The following STRN variants were observed in gnomAD, a reference collection of about 807,000 sequenced individuals.
STRN encodes the protein striatin, also known as protein phosphatase 2 regulatory subunit B'''alpha.
A neutral mutation model predicts 96.3 loss-of-function variants in STRN; 53 were observed. The observed-to-expected ratio is 0.55, with a 90% confidence interval of 0.44 to 0.69. The LOEUF (loss-of-function observed/expected upper bound fraction) is 0.69. STRN is among the 30% of genes least tolerant of loss of function. The probability of loss-of-function intolerance (pLI) is 0.00; values close to 1 mark genes in which losing one functional copy is unlikely to be tolerated. For synonymous variants in STRN, 428 were observed against 355.9 expected (o/e 1.20, Z -2.28); for missense variants, 987 against 963.9 (o/e 1.02, Z -0.32).
chr2:36,885,532 T>C (rs903154061), intron 8 of STRN, among the ~76,000 whole-genome samples: 2 of 152,282 alleles, frequency 1.3e-5, no homozygotes, highest in South Asian at 4.1e-4. Context: ...ATCTTTCTCA[T>C]TCTGATTTAA....
At chr2:36,930,956 C>G (rs1670558061) in intron 1 of STRN, among the ~76,000 whole-genome samples, 1 of 151,854 alleles carries the variant, frequency 6.6e-6, no homozygotes, top group Non-Finnish European at 1.5e-5. Context: ...CTGCTTGAAC[C>G]TGAGAGGTAG....
intron 1 of STRN, among the ~76,000 whole-genome samples, chr2:36,947,855 T>C (rs1664628949): frequency 6.6e-6 from 1 of 151,730 alleles, no homozygotes; most frequent in South Asian, 2.1e-4. Context: ...AGACAGTAAG[T>C]ATTTTTTTCA....
At chr2:36,885,101 G>T (rs1418148410) in intron 8 of STRN, among the ~76,000 whole-genome samples, 1 of 151,910 alleles carries the variant, frequency 6.6e-6, no homozygotes, top group South Asian at 2.1e-4. Flanking sequence ...TTAATCCCCC[G>T]ATTTAAGAAA....
At chr2:36,958,751 C>A (rs1245730779) in intron 1 of STRN, among the ~76,000 whole-genome samples, 4 of 152,174 alleles carry the variant, frequency 2.6e-5, no homozygotes, top group Admixed American at 2.6e-4. Context: ...AACAAGATAG[C>A]AACTGAGAAA....
At chr2:36,883,592 A>G (rs946632213) in intron 9 of STRN, among the ~76,000 whole-genome samples, 2 of 152,242 alleles carry the variant, frequency 1.3e-5, no homozygotes, top group African/African-American at 2.4e-5. Flanking sequence ...TTAAATATTT[A>G]TATGAGTTTC....
rs1668021935 is a variant in STRN at position 36,844,666 on chromosome 2, A to G, written c.*4790T>C. The G allele has an allele frequency of 6.6e-6, 1 of 152,058 alleles. No homozygotes were observed. Among genetic ancestry groups the G allele is most frequent in the East Asian group, 1.9e-4 (1 of 5,194 alleles). 9.4% of individuals were successfully genotyped at this position (152,058 alleles called of 1,614,324 possible). ...GGGATCTAGGGATCTGTTTGGCCTA[A>G]CATTTGTTTTTTTTAGAATTAAAAA... On this transcript the variant is annotated 3_prime_UTR_variant, in exon 18 of 18. Transcript: ENST00000263918.
intron 1 of STRN, among the ~76,000 whole-genome samples, chr2:36,953,678 A>C (rs1416275218): frequency 1.3e-5 from 2 of 152,214 alleles, no homozygotes; most frequent in African/African-American, 2.4e-5. Flanking sequence ...CTGGGATTAC[A>C]GGCGTGAGCC....
intron 10 of STRN, among the ~76,000 whole-genome samples, chr2:36,872,475 T>C (rs988245642): frequency 1.2e-4 from 19 of 152,196 alleles, no homozygotes; most frequent in African/African-American, 4.3e-4. Flanking sequence ...TAAGACAGAA[T>C]CACCCGGCTA....
intron 6 of STRN, among the ~76,000 whole-genome samples, chr2:36,897,264 G>GT (rs548341778): frequency 6.6e-6 from 1 of 152,042 alleles, no homozygotes; most frequent in East Asian, 1.9e-4. Flanking sequence ...ATAGAATGCA[G>GT]TAAGTTATGC....
chr2:36,895,945 G>A (rs796149937), intron 6 of STRN, among the ~76,000 whole-genome samples: 1 of 151,730 alleles, frequency 6.6e-6, no homozygotes, highest in South Asian at 2.1e-4. Flanking sequence ...AAAAAAACAG[G>A]TGTATCTGAA....
chr2:36,862,776 C>G (rs1668524185), intron 12 of STRN, among the ~76,000 whole-genome samples: 1 of 151,618 alleles, frequency 6.6e-6, no homozygotes, highest in Non-Finnish European at 1.5e-5. Flanking sequence ...GCTCTGTCAC[C>G]CAGGCTGGAG....
intron 1 of STRN, among the ~76,000 whole-genome samples, chr2:36,960,544 T>G (rs1665004378): frequency 6.6e-6 from 1 of 152,194 alleles, no homozygotes; most frequent in South Asian, 2.1e-4. Context: ...AGCACTTACT[T>G]TATCTTATGT....
intron 9 of STRN, among the ~76,000 whole-genome samples, chr2:36,881,985 A>C (rs1360871696): frequency 1.3e-5 from 2 of 152,220 alleles, no homozygotes; most frequent in African/African-American, 4.8e-5. Flanking sequence ...TCTGTAATTC[A>C]AAAGACATCA....
intron 12 of STRN, among the ~76,000 whole-genome samples, chr2:36,864,394 C>A (rs1668569098): frequency 6.6e-6 from 1 of 152,184 alleles, no homozygotes; most frequent in Non-Finnish European, 1.5e-5. Context: ...AAAGCCTTTT[C>A]TGCATCTGTT....
At chr2:36,917,901 TG>T (rs1179460693) in intron 2 of STRN, among the ~76,000 whole-genome samples, 1 of 152,176 alleles carries the variant, frequency 6.6e-6, no homozygotes, top group Non-Finnish European at 1.5e-5. Context: ...ATACTATGTA[TG>T]TCTCCATACA....
chr2:36,963,549 G>A (rs1158053140), intron 1 of STRN, among the ~76,000 whole-genome samples: 3 of 152,032 alleles, frequency 2.0e-5, no homozygotes, highest in Non-Finnish European at 4.4e-5. Context: ...AGAGATTACT[G>A]CAAACTCTTC....
At chr2:36,943,304 T>A (rs1670892051) in intron 1 of STRN, among the ~76,000 whole-genome samples, 1 of 151,902 alleles carries the variant, frequency 6.6e-6, no homozygotes, top group African/African-American at 2.4e-5. Flanking sequence ...CTTCTCAACT[T>A]TCTTGTATGA....
At chr2:36,905,469 A>C (rs1669796590) in intron 4 of STRN, 71 bp downstream of exon 4, 14 of 1,334,596 alleles carry the variant, frequency 1.0e-5, no homozygotes, top group Non-Finnish European at 1.5e-5. Context: ...TTGAAAATAC[A>C]CAGTAAAAAT....
chr2:36,855,804 T>C (rs1376373423), intron 14 of STRN, among the ~76,000 whole-genome samples: 2 of 152,204 alleles, frequency 1.3e-5, no homozygotes, highest in East Asian at 3.9e-4. Context: ...GTCATGCAAA[T>C]ACCATATGAA....
Sources: allele counts gnomAD v4.1 joint callset (sites outside exome capture counted in the v4.1 genomes callset), GRCh38; gene constraint gnomAD v4.1.1; transcripts MANE v1.5; gene names NCBI Gene and HGNC (gene_info 2026-07-23, HGNC 2026-07-21).